Variants in STAC observed in about 807,000 individuals in gnomAD.
STAC encodes SH3 and cysteine rich domain, also known as SH3 and cysteine-rich domain-containing protein.
Under a neutral mutation model 48.8 loss-of-function variants are expected in STAC, and 43 were observed. The observed-to-expected ratio is 0.88, with a 90% CI of 0.69 to 1.14. The LOEUF is 1.14. Among genes scored for constraint, STAC ranks in the 50% most tolerant of loss-of-function variants. STAC has a pLI of 0.00. For missense variants in STAC, 497 were observed against 504.0 expected (o/e 0.99, Z 0.13); for synonymous variants, 193 against 179.5 (o/e 1.07, Z -0.60).
At chr3:36,544,923 G>A (rs1280140426) in intron 10 of STAC, among the ~76,000 whole-genome samples, 2 of 152,162 alleles carry the variant, frequency 1.3e-5, no homozygotes, top group Non-Finnish European at 2.9e-5. Flanking sequence ...GATCTCTGAA[G>A]CACGAGTCAG....
intron 8 of STAC, among the ~76,000 whole-genome samples, chr3:36,515,321 C>A (rs1159855464): frequency 6.6e-6 from 1 of 152,068 alleles, no homozygotes; most frequent in Non-Finnish European, 1.5e-5. Context: ...AGAGTATAAA[C>A]CATAAACTGT....
chr3:36,411,938 A>G (rs1212363731), intron 1 of STAC, among the ~76,000 whole-genome samples: 2 of 152,226 alleles, frequency 1.3e-5, no homozygotes, highest in East Asian at 3.8e-4. Context: ...GGATTTATCA[A>G]AAATCTACAT....
intron 1 of STAC, among the ~76,000 whole-genome samples, chr3:36,411,899 G>A (rs762737862): frequency 4.6e-5 from 7 of 152,038 alleles, no homozygotes; most frequent in Non-Finnish European, 8.8e-5. Flanking sequence ...TCAAAATTTT[G>A]CAGATTTAAC....
chr3:36,420,777 T>C (rs915990736), intron 1 of STAC, among the ~76,000 whole-genome samples: 3 of 152,238 alleles, frequency 2.0e-5, no homozygotes, highest in Non-Finnish European at 2.9e-5. Flanking sequence ...GGTACTTTTG[T>C]GATTGTTAAA....
At chr3:36,495,864 T>C (rs560270790) in intron 6 of STAC, among the ~76,000 whole-genome samples, 23 of 152,216 alleles carry the variant, frequency 1.5e-4, no homozygotes, top group Non-Finnish European at 3.1e-4. Flanking sequence ...CTTGAAAGCC[T>C]GTTAGAAATA....
chr3:36,527,803 A>G (rs1277778871), intron 8 of STAC, among the ~76,000 whole-genome samples: 1 of 152,168 alleles, frequency 6.6e-6, no homozygotes, highest in East Asian at 1.9e-4. Flanking sequence ...AGCCAAACCC[A>G]AGTAATTCTT....
chr3:36,515,231 A>G (rs1698642043), intron 8 of STAC, among the ~76,000 whole-genome samples: 1 of 152,148 alleles, frequency 6.6e-6, no homozygotes, highest in Middle Eastern at 3.4e-3. Context: ...CACAAATAAC[A>G]ATGGTTTTAA....
chr3:36,439,589 T>C (rs1202512670), intron 1 of STAC, among the ~76,000 whole-genome samples: 3 of 152,192 alleles, frequency 2.0e-5, no homozygotes, highest in Non-Finnish European at 4.4e-5. Flanking sequence ...ATTCTTTACC[T>C]TCCTGTTCAT....
intron 1 of STAC, among the ~76,000 whole-genome samples, chr3:36,434,862 T>A (rs993698726): frequency 6.6e-6 from 1 of 152,214 alleles, no homozygotes; most frequent in Non-Finnish European, 1.5e-5. Flanking sequence ...GCCATATAAG[T>A]AGTGTTGCTC....
chr3:36,483,245 G>A (rs1302154593), intron 3 of STAC, among the ~76,000 whole-genome samples, 153 bp downstream of exon 3: 1 of 152,206 alleles, frequency 6.6e-6, no homozygotes, highest in African/African-American at 2.4e-5. Flanking sequence ...GGCGTAATCA[G>A]AAAACAAGGA....
intron 1 of STAC, among the ~76,000 whole-genome samples, chr3:36,392,166 T>C (rs1284091627): frequency 6.6e-6 from 1 of 152,190 alleles, no homozygotes; most frequent in African/African-American, 2.4e-5. Flanking sequence ...CTTCCTCTCA[T>C]AGTTTCCTCT....
At chr3:36,448,410 C>A (rs890512139) in intron 2 of STAC, among the ~76,000 whole-genome samples, 1 of 151,750 alleles carries the variant, frequency 6.6e-6, no homozygotes, top group Admixed American at 6.6e-5. Flanking sequence ...TTAGTAGAGA[C>A]GGGGTTTCGC....
chr3:36,542,198 T>C (rs1008995973), intron 10 of STAC, among the ~76,000 whole-genome samples: 1 of 152,196 alleles, frequency 6.6e-6, no homozygotes, highest in Non-Finnish European at 1.5e-5. Flanking sequence ...TTAACACCTG[T>C]TTGCCCTTTT....
chr3:36,460,447 C>A (rs1378786), intron 2 of STAC, among the ~76,000 whole-genome samples: 117,420 of 152,026 alleles, frequency 0.77, 45,426 homozygotes, highest in Admixed American at 0.83. Flanking sequence ...CACTAACACA[C>A]AAAAAAATTT....
chr3:36,483,772 C>A (rs1697722469), intron 3 of STAC, among the ~76,000 whole-genome samples: 1 of 152,152 alleles, frequency 6.6e-6, no homozygotes, highest in African/African-American at 2.4e-5. Flanking sequence ...GGCAACATGG[C>A]ATGACCCTGT....
At chr3:36,390,344 G>A (rs1041846657) in intron 1 of STAC, among the ~76,000 whole-genome samples, 3 of 151,832 alleles carry the variant, frequency 2.0e-5, no homozygotes, top group Admixed American at 6.6e-5. Context: ...TCATTTTAAA[G>A]ATAGGTCGTG....
At chr3:36,404,434 A>T (rs1480109979) in intron 1 of STAC, among the ~76,000 whole-genome samples, 1 of 152,204 alleles carries the variant, frequency 6.6e-6, no homozygotes, top group Non-Finnish European at 1.5e-5. Flanking sequence ...GAGATAATAC[A>T]TGCAAAGCAC....
intron 1 of STAC, among the ~76,000 whole-genome samples, chr3:36,384,346 T>A (rs1488368168): frequency 6.6e-6 from 1 of 152,140 alleles, no homozygotes; most frequent in East Asian, 1.9e-4. Flanking sequence ...TTGACACACC[T>A]CTGTGAACAT....
chr3:36,416,032 C>A (rs1476630317), intron 1 of STAC, among the ~76,000 whole-genome samples: 2 of 152,150 alleles, frequency 1.3e-5, no homozygotes, highest in Non-Finnish European at 2.9e-5. Flanking sequence ...ACTCTCTTTG[C>A]TCCTCTTTCT....
Sources: gnomAD v4.1 joint callset for allele counts (sites outside exome capture counted in the v4.1 genomes callset) on GRCh38, gnomAD v4.1.1 for gene constraint, MANE v1.5 for transcripts, NCBI Gene and HGNC (gene_info 2026-07-23, HGNC 2026-07-21) for gene names.